The following PIEZO2 variants were observed in gnomAD, a reference collection of about 807,000 sequenced individuals.
PIEZO2 encodes the protein piezo-type mechanosensitive ion channel component 2.
A neutral mutation model predicts 337.3 loss-of-function variants in PIEZO2; 172 were observed. That is an observed-to-expected ratio of 0.51 (90% CI 0.45 to 0.58). The LOEUF (loss-of-function observed/expected upper bound fraction) is 0.58. Ranked by LOEUF, PIEZO2 falls within the 20% of genes least tolerant of loss-of-function variation. The pLI is 0.00. For synonymous variants in PIEZO2, 1,251 were observed against 1,228.5 expected (o/e 1.02, Z -0.38); for missense variants, 3,028 against 3,391.3 (o/e 0.89, Z 2.66).
intron 44 of PIEZO2, 148 bp from the exon 45 acceptor site, chr18:10,698,028 C>A (rs1219558473): frequency 1.5e-5 from 14 of 936,406 alleles, no homozygotes; most frequent in Non-Finnish European, 2.2e-5. Flanking sequence ...TGGGATTTGT[C>A]CTCAACTCTG....
At position 10,794,723 on chromosome 18, in the gene PIEZO2, A is replaced by C. The variant is rs1337077257; in HGVS notation, c.1758+49T>G. ...TCTCTTGGATACGATTATGATGATGATTGTGGTTTTGTGTCATTGTTTTGT... is the reference window on the plus strand; with the variant it reads ...TCTCTTGGATACGATTATGATGATGCTTGTGGTTTTGTGTCATTGTTTTGT... On this transcript the variant is annotated intron_variant, in intron 13 of 55. Transcript: ENST00000674853. The surrounding 1 kb of genome is among the most constrained non-coding windows in gnomAD (Gnocchi z 6.6). 2 of 1,298,016 alleles carry C rather than the reference A, an allele frequency of 1.5e-6. No individual in the cohort carries two copies. Among genetic ancestry groups the C allele is most frequent in the South Asian group, 1.4e-5 (1 of 69,664 alleles). 80.4% of individuals were successfully genotyped at this position (1,298,016 alleles called of 1,614,324 possible).
At position 11,096,843 on chromosome 18, in the gene PIEZO2, A is replaced by G. The variant is rs1431500885; in HGVS notation, c.65-30621T>C. Among the ~76,000 whole-genome samples the G allele has an allele frequency of 6.6e-6, 1 of 152,214 alleles. No individual in the cohort carries two copies. Among genetic ancestry groups the G allele is most frequent in the East Asian group, 1.9e-4 (1 of 5,184 alleles). ...GCCCACTGCCAGCAAAATGGGAACA[A>G]CATGGACTTCAGGGGGGTGGTACCA... On this transcript the variant is annotated intron_variant, in intron 1 of 55. Transcript: ENST00000674853. The surrounding 1 kb of genome is among the most constrained non-coding windows in gnomAD (Gnocchi z 4.6).
chr18:11,080,575 G>A lies in PIEZO2; in HGVS notation c.65-14353C>T, dbSNP rs542834533. Among the ~76,000 whole-genome samples, 1 of 152,236 alleles carries A rather than the reference G, an allele frequency of 6.6e-6. No individual in the cohort carries two copies. ...AAAACAGAGGCATCAGGCCAGGTGC[G>A]GGGCTCACGCCTATAATCCCAGCAC... On this transcript the variant is annotated intron_variant, in intron 1 of 55. Coordinates refer to ENST00000674853, the MANE Select transcript of PIEZO2 (RefSeq NM_001378183.1). The surrounding 1 kb of genome is among the most constrained non-coding windows in gnomAD (Gnocchi z 5.4).
Position 10,704,379 on chromosome 18 carries a change from T to C in PIEZO2, c.6258+15A>G. 1 of 1,536,422 alleles carries C rather than the reference T, an allele frequency of 6.5e-7. No homozygotes were observed. Among genetic ancestry groups the C allele is most frequent in the East Asian group, 2.4e-5 (1 of 40,904 alleles). On this transcript the variant is annotated intron_variant, in intron 42 of 55. Transcript: ENST00000674853. ...CCGCCTGAAGCCATCCACAGGGGTC[T>C]GCGTCCAGGCCTACCTCAGTATAGA...
At chr18:10,695,398 G>T (rs1317112561) in intron 47 of PIEZO2, among the ~76,000 whole-genome samples, 1 of 152,212 alleles carries the variant, frequency 6.6e-6, no homozygotes, top group Non-Finnish European at 1.5e-5. Context: ...AGGTGACAGA[G>T]GGAAGCACAG....
At chr18:10,966,396 T>C (rs2034001527) in intron 3 of PIEZO2, among the ~76,000 whole-genome samples, 1 of 152,226 alleles carries the variant, frequency 6.6e-6, no homozygotes, top group Non-Finnish European at 1.5e-5. Flanking sequence ...AGTTTCCTGC[T>C]GCCAGTCTTC....
chr18:10,806,981 T>C (rs1182566724), intron 8 of PIEZO2, 131 bp downstream of exon 8: 15 of 950,672 alleles, frequency 1.6e-5, no homozygotes, highest in Non-Finnish European at 4.5e-6. Context: ...AATTAAAACA[T>C]CATACCCAGA....
chr18:10,710,816 A>G (rs1208226142), intron 39 of PIEZO2, among the ~76,000 whole-genome samples: 1 of 152,228 alleles, frequency 6.6e-6, no homozygotes, highest in Non-Finnish European at 1.5e-5. Flanking sequence ...AGCAATCAGC[A>G]TGGCTCCCTG....
chr18:11,073,089 C>T (rs11080481), intron 1 of PIEZO2, among the ~76,000 whole-genome samples: 78,720 of 152,066 alleles, frequency 0.52, 22,340 homozygotes, highest in East Asian at 0.97. Context: ...TGATTAACTT[C>T]GGAGGCGGGA....
chr18:10,738,900 C>T (rs2037114071), intron 33 of PIEZO2: 1 of 152,078 alleles, frequency 6.6e-6, no homozygotes, highest in Admixed American at 6.6e-5. Context: ...GAAATCTGTC[C>T]CTATACAGAC....
chr18:10,786,453 G>A (rs998421799), intron 16 of PIEZO2, among the ~76,000 whole-genome samples: 1 of 152,100 alleles, frequency 6.6e-6, no homozygotes, highest in African/African-American at 2.4e-5. Flanking sequence ...ACTTTTAAGG[G>A]ACTTCCCTTC....
chr18:10,770,116 T>C, intron 21 of PIEZO2, 32 bp downstream of exon 21: 12 of 1,535,202 alleles, frequency 7.8e-6, no homozygotes, highest in Non-Finnish European at 1.0e-5. Context: ...GTGGTTCTGT[T>C]CAGCCTGATG....
At chr18:10,718,423 T>C (rs1457741663) in intron 36 of PIEZO2, among the ~76,000 whole-genome samples, 164 bp from the exon 37 acceptor site, 2 of 152,244 alleles carry the variant, frequency 1.3e-5, no homozygotes, top group Admixed American at 6.5e-5. Context: ...CTTAGATTAT[T>C]TTACTCCATG....
intron 36 of PIEZO2, among the ~76,000 whole-genome samples, chr18:10,718,943 C>T (rs7241927): frequency 0.26 from 39,370 of 151,118 alleles, 7,397 homozygotes; most frequent in African/African-American, 0.53. Context: ...TGTGCCACTG[C>T]GCTCCAGCCT....
At position 11,001,030 on chromosome 18, in the gene PIEZO2, A is replaced by G. The variant is rs369043896; in HGVS notation, c.161-21370T>C. On this transcript the variant is annotated intron_variant, in intron 2 of 55. Transcript: ENST00000674853. The surrounding 1 kb of genome is among the most constrained non-coding windows in gnomAD (Gnocchi z 5.3). ...GGGCAAGACAGCTTCCTACAGTTAAAGGCAATTATTGGAAAGGAACTCAGC... is the reference window on the plus strand; with the variant it reads ...GGGCAAGACAGCTTCCTACAGTTAAGGGCAATTATTGGAAAGGAACTCAGC... Among the ~76,000 whole-genome samples, 3 of 152,284 alleles carry G rather than the reference A, an allele frequency of 2.0e-5. 1 individual carries two copies. Among genetic ancestry groups the G allele is most frequent in the East Asian group, 1.9e-4 (1 of 5,172 alleles).
chr18:10,942,190 G>T lies in PIEZO2; in HGVS notation c.287-30962C>A, dbSNP rs1281761900. ...GAAAATGAACTAATTCAGTAAATTGGTACCAGTAGGGTGGGGCGCTGCTGA... is the reference window on the plus strand; with the variant it reads ...GAAAATGAACTAATTCAGTAAATTGTTACCAGTAGGGTGGGGCGCTGCTGA... On this transcript the variant is annotated intron_variant, in intron 3 of 55. Coordinates refer to ENST00000674853, the MANE Select transcript of PIEZO2 (RefSeq NM_001378183.1). The surrounding 1 kb of genome is among the most constrained non-coding windows in gnomAD (Gnocchi z 4.4). Among the ~76,000 whole-genome samples, 1 of 152,178 alleles carries T rather than the reference G, an allele frequency of 6.6e-6. No homozygotes were observed. Among genetic ancestry groups the T allele is most frequent in the Non-Finnish European group, 1.5e-5 (1 of 68,042 alleles).
chr18:10,749,371 G>A (rs1331900950), intron 29 of PIEZO2, among the ~76,000 whole-genome samples: 1 of 152,166 alleles, frequency 6.6e-6, no homozygotes, highest in Non-Finnish European at 1.5e-5. Context: ...GCAGAAGTGG[G>A]AGGATTGCTG....
chr18:10,749,087 A>AC (rs2037542223), intron 29 of PIEZO2, among the ~76,000 whole-genome samples: 1 of 152,174 alleles, frequency 6.6e-6, no homozygotes, highest in African/African-American at 2.4e-5. Context: ...GCCTTATCTT[A>AC]AGTGAAAAAC....
intron 1 of PIEZO2, among the ~76,000 whole-genome samples, chr18:11,115,013 A>G (rs2039846531): frequency 6.6e-6 from 1 of 152,230 alleles, no homozygotes; most frequent in Non-Finnish European, 1.5e-5. Flanking sequence ...ATTCCTAAGT[A>G]CTAAGATCCT....
Sources: allele counts gnomAD v4.1 joint callset (sites outside exome capture counted in the v4.1 genomes callset), GRCh38; gene constraint gnomAD v4.1.1; non-coding constraint Gnocchi (gnomAD v3.1); transcripts MANE v1.5; gene names NCBI Gene and HGNC (gene_info 2026-07-23, HGNC 2026-07-21).